ACSM1: variants seen among roughly 807,000 people sequenced by gnomAD.
ACSM1 encodes acyl-coenzyme A synthetase ACSM1, mitochondrial.
Under a neutral mutation model 75.8 loss-of-function variants are expected in ACSM1, and 79 were observed. The ratio of observed to expected loss-of-function variants is 1.04; its 90% confidence interval spans 0.87 to 1.26. The LOEUF (loss-of-function observed/expected upper bound fraction) is 1.26. ACSM1 is among the 50% of genes most tolerant of loss of function. The pLI, the probability that ACSM1 is intolerant of heterozygous loss-of-function variation, is 0.00. For synonymous variants in ACSM1, 279 were observed against 265.8 expected (o/e 1.05, Z -0.48); for missense variants, 676 against 720.1 (o/e 0.94, Z 0.70).
intron 7 of ACSM1, among the ~76,000 whole-genome samples, chr16:20,649,422 G>C (rs1013177848): frequency 1.3e-5 from 2 of 152,186 alleles, no homozygotes; most frequent in Admixed American, 1.3e-4. Flanking sequence ...TGTGGGAAAA[G>C]TCCACATTCT....
At chr16:20,684,015 C>T (rs531269457) in intron 3 of ACSM1, among the ~76,000 whole-genome samples, 7 of 151,894 alleles carry the variant, frequency 4.6e-5, no homozygotes, top group African/African-American at 7.3e-5. Context: ...GAATATGAGA[C>T]GGAGAGAGAG....
At position 20,637,224 on chromosome 16, in the gene ACSM1, C is replaced by T. The variant is rs184881253; in HGVS notation, c.1197+147G>A. ...CAATAATGCAGTTTTCAACTGAGGC[C>T]TCCATATGAAACTGAAGGGATAAAT... On this transcript the variant is annotated intron_variant, in intron 9 of 13. Coordinates refer to ENST00000520010, the MANE Select transcript of ACSM1 (RefSeq NM_001318890.3). The T allele has an allele frequency of 1.3e-4, 104 of 805,762 alleles. No individual in the cohort carries two copies. The African/African-American group carries it at 1.6e-3, about 13-fold the overall frequency. 49.9% of individuals were successfully genotyped at this position (805,762 alleles called of 1,614,324 possible).
At chr16:20,675,623 G>C (rs1342530756) in intron 4 of ACSM1, among the ~76,000 whole-genome samples, 2 of 152,172 alleles carry the variant, frequency 1.3e-5, no homozygotes, top group Non-Finnish European at 2.9e-5. Context: ...GGATGAAACT[G>C]GATGTTCAAA....
intron 8 of ACSM1, among the ~76,000 whole-genome samples, chr16:20,638,059 T>G (rs1040448055): frequency 6.6e-6 from 1 of 152,196 alleles, no homozygotes; most frequent in Non-Finnish European, 1.5e-5. Context: ...ATCTTCATCT[T>G]TCTTCCTGAT....
At chr16:20,656,171 T>C (rs1229602647) in intron 7 of ACSM1, among the ~76,000 whole-genome samples, 3 of 152,282 alleles carry the variant, frequency 2.0e-5, no homozygotes, top group Admixed American at 2.0e-4. Flanking sequence ...GAAGTAACTT[T>C]TGAGCATGTC....
intron 1 of ACSM1, among the ~76,000 whole-genome samples, chr16:20,695,965 C>G (rs1312628061): frequency 5.3e-5 from 8 of 152,212 alleles, no homozygotes; most frequent in African/African-American, 1.9e-4. Context: ...TGATGGATCA[C>G]ATATACAGAG....
At chr16:20,664,419 A>C (rs970345227) in intron 6 of ACSM1, among the ~76,000 whole-genome samples, 2 of 152,222 alleles carry the variant, frequency 1.3e-5, no homozygotes, top group African/African-American at 4.8e-5. Flanking sequence ...GGAGGGCATT[A>C]TATAATGATA....
At chr16:20,635,088 T>C (rs1168371491) in intron 10 of ACSM1, among the ~76,000 whole-genome samples, 1 of 150,244 alleles carries the variant, frequency 6.7e-6, no homozygotes, top group African/African-American at 2.4e-5. Flanking sequence ...AAATAAAATA[T>C]GTCATGCTCA....
intron 10 of ACSM1, among the ~76,000 whole-genome samples, chr16:20,632,857 C>T (rs1429158015): frequency 1.3e-5 from 2 of 152,162 alleles, no homozygotes; most frequent in Non-Finnish European, 2.9e-5. Flanking sequence ...GGGATTTATT[C>T]CTGTTTCAAC....
rs2016985193 is a variant in ACSM1, at chr16:20,627,219, C to T, written c.1397G>A (p.Gly466Glu). Residue 466 changes from glycine (G) to glutamate (E), a missense_variant, in exon 11 of 14, where the codon GGG becomes GAG. Transcript: ENST00000520010. ...GGCATTAATGATGTCATCACTCCTC[C>T]CCAGGAAACAAATGTAGCCCTCTTC... ...MDEEGYICFL[G>E]RSDDIINASG... is the part of the protein sequence containing the mutation. 1 of 1,574,768 alleles carries T rather than the reference C, an allele frequency of 6.4e-7. No individual in the cohort carries two copies. The highest frequency in any genetic ancestry group is 1.8e-5 in the Admixed American group (1 of 54,714).
chr16:20,691,033 T>C lies in ACSM1; in HGVS notation c.156A>G (p.Ala52=). The C allele has an allele frequency of 6.2e-7, 1 of 1,613,698 alleles. No homozygotes were observed. The change falls in exon 2 of 14, where the codon GCA becomes GCG. Residue 52 remains alanine, a synonymous_variant. Transcript: ENST00000520010. ...DYEVPEEFNF[A]SYVLDYWAQK... is the part of the protein sequence containing the mutation. ...GAGCCCAGTAGTCCAGTACATAACTTGCAAAGTTAAATTCCTCCGGTACTT... is the reference window on the plus strand; with the variant it reads ...GAGCCCAGTAGTCCAGTACATAACTCGCAAAGTTAAATTCCTCCGGTACTT...
chr16:20,685,321 C>A lies in ACSM1; in HGVS notation c.275G>T (p.Gly92Val). 6.2e-7 allele frequency: 1 copy of A among 1,614,160 alleles called. No individual in the cohort carries two copies. The highest frequency in any genetic ancestry group is 8.5e-7 in the Non-Finnish European group (1 of 1,180,030). ...GTTGGCTACACGGCGGGTTAGGTCT[C>A]CCATCTCTCTGAAGCTCCACTTTAC... is the stretch of plus-strand genomic sequence containing the variant. ...DEVKWSFREMGDLTRRVANVF... is the reference protein window; with the variant it reads ...DEVKWSFREMVDLTRRVANVF... Residue 92 changes from glycine (G) to valine (V), a missense_variant, in exon 3 of 14, where the codon GGA becomes GTA. By Grantham distance (109) the Gly-to-Val change is moderately radical. Transcript: ENST00000520010.
chr16:20,651,375 T>A (rs1429980891), intron 7 of ACSM1, among the ~76,000 whole-genome samples: 1 of 152,160 alleles, frequency 6.6e-6, no homozygotes, highest in African/African-American at 2.4e-5. Context: ...ATGCCTGCAA[T>A]CCCAGCACTT....
intron 4 of ACSM1, among the ~76,000 whole-genome samples, chr16:20,672,812 ATATATAT>A (rs2020031314): frequency 1.1e-5 from 1 of 89,400 alleles, no homozygotes; most frequent in Non-Finnish European, 1.9e-5. Flanking sequence ...ATAATATATA[ATATATAT>A]TATATAATAT....
intron 5 of ACSM1, 146 bp from the exon 6 acceptor site, chr16:20,670,132 G>T: frequency 1.4e-6 from 1 of 725,634 alleles, no homozygotes; most frequent in Non-Finnish European, 2.3e-6. Context: ...CTCAGGCCAG[G>T]TCTCAAAGGT....
At position 20,627,259 on chromosome 16, in the gene ACSM1, T is replaced by G. The variant is rs1448036302; in HGVS notation, c.1357A>C (p.Arg453=). The change falls in exon 11 of 14, where the codon AGA becomes CGA. Residue 453 remains arginine, a synonymous_variant. Transcript: ENST00000520010. ...ECGDFYNTGD[R]GKMDEEGYIC... is the part of the protein sequence containing the mutation. ...TAGCCCTCTTCATCCATCTTACCTC[T>G]GTCCCCAGTGTTGTAGAAGTCCCCA... 6.3e-7 allele frequency: 1 copy of G among 1,591,342 alleles called. No individual in the cohort carries two copies. Among genetic ancestry groups the G allele is most frequent in the Non-Finnish European group, 8.5e-7 (1 of 1,170,892 alleles).
chr16:20,691,596 C>A (rs998113866), intron 1 of ACSM1, among the ~76,000 whole-genome samples: 1 of 152,074 alleles, frequency 6.6e-6, no homozygotes, highest in African/African-American at 2.4e-5. Context: ...ACTTTAGAAA[C>A]TTCCCTTTCT....
rs1402544628 is a variant in ACSM1 at position 20,623,366 on chromosome 16, T to TCCTGATACTTTC, written c.*108_*119dup. 3.7e-6 allele frequency: 3 copies of TCCTGATACTTTC among 806,634 alleles called. No homozygotes were observed. In the African/African-American group the frequency reaches 5.1e-5, roughly 14 times the overall value. 50.0% of individuals were successfully genotyped at this position (806,634 alleles called of 1,614,324 possible). On this transcript the variant is annotated 3_prime_UTR_variant, in exon 14 of 14. Coordinates refer to ENST00000520010, the MANE Select transcript of ACSM1 (RefSeq NM_001318890.3). ...AAGGAAAACATTGGAATCATGGCAC[T>TCCTGATACTTTC]CCTGATACTTTCCCAAATCAACACT... is the stretch of plus-strand genomic sequence containing the variant.
intron 2 of ACSM1, among the ~76,000 whole-genome samples, chr16:20,685,726 A>C (rs961876109): frequency 1.3e-5 from 2 of 149,946 alleles, no homozygotes; most frequent in African/African-American, 4.9e-5. Context: ...AGGCTGAGGT[A>C]GGAGAATTGC....
Sources: allele counts gnomAD v4.1 joint callset (sites outside exome capture counted in the v4.1 genomes callset), GRCh38; gene constraint gnomAD v4.1.1; transcripts MANE v1.5; gene names NCBI Gene and HGNC (gene_info 2026-07-23, HGNC 2026-07-21).